The following NLGN4Y variants were observed in gnomAD, a reference collection of about 807,000 sequenced individuals.
NLGN4Y encodes the protein neuroligin-4, Y-linked.
Under a neutral mutation model 8.4 loss-of-function variants are expected in NLGN4Y, and 4 were observed. That is an observed-to-expected ratio of 0.48 (90% confidence interval 0.23 to 1.09). The LOEUF (loss-of-function observed/expected upper bound fraction) is 1.09. NLGN4Y is among the 50% of genes least tolerant of loss of function. The probability of loss-of-function intolerance (pLI) is 0.19; values close to 1 mark genes in which losing one functional copy is unlikely to be tolerated. For missense variants in NLGN4Y, 90 were observed against 192.3 expected, an observed-to-expected ratio of 0.47 and a Z score of 3.15; for synonymous variants, 35 against 75.6, an observed-to-expected ratio of 0.46 and a Z score of 2.78.
Position 14,834,003 on chromosome Y carries a change from T to TA in NLGN4Y, c.1661+3499dup, listed in dbSNP as rs1197649820. Reference sequence around the variant, plus strand: ...ATACTGAGGCTGGCTATGTCACTATTAAAAAAAAAAAAAAAGAAAAAAAAA... The same window carrying TA: ...ATACTGAGGCTGGCTATGTCACTATTAAAAAAAAAAAAAAAAGAAAAAAAAA... On this transcript the variant is annotated intron_variant, in intron 6 of 6. Coordinates refer to ENST00000684976, the MANE Select transcript of NLGN4Y (RefSeq NM_001365588.1). Among the ~76,000 whole-genome samples the TA allele has an allele frequency of 6.4e-3, 118 of 18,397 alleles. No individual in the cohort carries two copies. The East Asian group carries it at 0.078, about 12-fold the overall frequency. 49.4% of individuals were successfully genotyped at this position (18,397 alleles called of 37,273 possible).
chrY:14,586,701 G>T (rs2080343056), intron 1 of NLGN4Y, among the ~76,000 whole-genome samples: 1 of 32,197 alleles, frequency 3.1e-5, no homozygotes, highest in Admixed American at 2.9e-4. Context: ...GGTGTTGCAT[G>T]CCTGTAATCA....
intron 3 of NLGN4Y, among the ~76,000 whole-genome samples, chrY:14,721,254 T>A: frequency 6.0e-5 from 2 of 33,328 alleles, no homozygotes; most frequent in Non-Finnish European, 1.5e-4. Flanking sequence ...CTTACTCTTT[T>A]TACCACAATT....
chrY:14,780,336 A>T, intron 4 of NLGN4Y, among the ~76,000 whole-genome samples: 4 of 33,399 alleles, frequency 1.2e-4, no homozygotes, highest in Admixed American at 1.1e-3. Flanking sequence ...GAAAAGAAAT[A>T]TTGCTGAATG....
At position 14,524,536 on chromosome Y, in the gene NLGN4Y, G is replaced by A. The variant is rs1464745526; in HGVS notation, c.-284G>A. 2.5e-5 allele frequency: 3 copies of A among 119,629 alleles called. No individual in the cohort carries two copies. The East Asian group carries it at 7.9e-4, about 32-fold the overall frequency. The allele number at this position is 119,629 out of a possible 400,897, so 29.8% of individuals were successfully genotyped here. On this transcript the variant is annotated 5_prime_UTR_variant, in exon 1 of 7. Coordinates refer to ENST00000684976, the MANE Select transcript of NLGN4Y (RefSeq NM_001365588.1). ...CGAAGATCAGCCAAGAGCACAGTCG[G>A]AGGCGGCAGAGACGGTGGCGGGTGA...
chrY:14,678,544 G>A (rs2080757837), intron 2 of NLGN4Y, among the ~76,000 whole-genome samples: 2 of 33,267 alleles, frequency 6.0e-5, no homozygotes, highest in Non-Finnish European at 1.5e-4. Context: ...AAATCAAGAC[G>A]GAAAGAAGTT....
chrY:14,733,293 G>A, intron 4 of NLGN4Y, among the ~76,000 whole-genome samples: 2 of 33,515 alleles, frequency 6.0e-5, no homozygotes. Context: ...TGTCCAAAGA[G>A]AGTGTCCATT....
chrY:14,622,168 G>C lies in NLGN4Y; in HGVS notation c.49G>C (p.Val17Leu). Residue 17 changes from valine to leucine, a missense_variant, in exon 2 of 7, where the codon GTC becomes CTC. Physicochemically the swap from Val to Leu is conservative, Grantham distance 32. Coordinates refer to ENST00000684976, the MANE Select transcript of NLGN4Y (RefSeq NM_001365588.1). ...LLWLPLLFTS[V>L]CVMLNSNVLL... ...ATGGCTCCCTTTGTTGTTCACCTCT[G>C]TCTGTGTCATGTTAAACTCCAATGT... 1 of 398,950 alleles carries C rather than the reference G, an allele frequency of 2.5e-6. No homozygotes were observed. Among genetic ancestry groups the C allele is most frequent in the Non-Finnish European group, 3.5e-6 (1 of 283,510 alleles).
intron 4 of NLGN4Y, among the ~76,000 whole-genome samples, chrY:14,817,843 C>A (rs2043107714): frequency 3.1e-5 from 1 of 32,384 alleles, no homozygotes; most frequent in Non-Finnish European, 7.5e-5. Flanking sequence ...GTGAACAATT[C>A]TTTTTCCTCT....
intron 4 of NLGN4Y, among the ~76,000 whole-genome samples, chrY:14,792,586 C>T (rs2042989081): frequency 7.1e-5 from 2 of 28,229 alleles, no homozygotes; most frequent in Admixed American, 3.4e-4. Flanking sequence ...CCAAAGAGTT[C>T]GAGCCCATCC....
intron 4 of NLGN4Y, among the ~76,000 whole-genome samples, chrY:14,767,212 A>G (rs2150572135): frequency 3.0e-5 from 1 of 33,639 alleles, no homozygotes; most frequent in East Asian, 7.7e-4. Context: ...ATACAGTGCC[A>G]ATTAACTAAG....
intron 1 of NLGN4Y, among the ~76,000 whole-genome samples, chrY:14,613,322 CCA>C (rs2080475815): frequency 3.0e-5 from 1 of 32,796 alleles, no homozygotes; most frequent in Non-Finnish European, 7.5e-5. Context: ...CACTGCGGTT[CCA>C]GGCAGAACTG....
chrY:14,636,600 C>T, intron 2 of NLGN4Y, among the ~76,000 whole-genome samples: 1 of 33,319 alleles, frequency 3.0e-5, no homozygotes, highest in Non-Finnish European at 7.4e-5. Flanking sequence ...TTCACCACTG[C>T]ACATTCTACA....
chrY:14,759,472 T>G (rs2081073990), intron 4 of NLGN4Y, among the ~76,000 whole-genome samples: 1 of 32,870 alleles, frequency 3.0e-5, no homozygotes, highest in African/African-American at 1.2e-4. Context: ...GGCTAATTTT[T>G]TGTATTTTTA....
intron 2 of NLGN4Y, among the ~76,000 whole-genome samples, chrY:14,655,840 A>G: frequency 6.0e-5 from 2 of 33,539 alleles, no homozygotes; most frequent in Non-Finnish European, 1.5e-4. Context: ...ATGAGTATCC[A>G]ATGGCCAGTC....
chrY:14,633,159 C>T, intron 2 of NLGN4Y, among the ~76,000 whole-genome samples: 1 of 33,286 alleles, frequency 3.0e-5, no homozygotes, highest in Non-Finnish European at 7.4e-5. Flanking sequence ...GAGATAGAAA[C>T]TTTAGGTACA....
chrY:14,717,585 A>T, intron 2 of NLGN4Y, among the ~76,000 whole-genome samples: 5 of 32,683 alleles, frequency 1.5e-4, no homozygotes, highest in African/African-American at 6.0e-4. Context: ...AAACAAAAAA[A>T]CCCTACAGTG....
At chrY:14,684,110 C>G (rs754388704) in intron 2 of NLGN4Y, among the ~76,000 whole-genome samples, 2 of 33,891 alleles carry the variant, frequency 5.9e-5, no homozygotes, top group Admixed American at 5.4e-4. Context: ...TAGAGCTATA[C>G]AGAGATTTAG....
intron 2 of NLGN4Y, among the ~76,000 whole-genome samples, chrY:14,627,810 G>A: frequency 2.9e-5 from 1 of 34,596 alleles, no homozygotes; most frequent in Non-Finnish European, 7.3e-5. Context: ...AGGCCTAGGA[G>A]GTGCGAGGGA....
At chrY:14,782,678 C>A (rs981882165) in intron 4 of NLGN4Y, among the ~76,000 whole-genome samples, 1 of 33,958 alleles carries the variant, frequency 2.9e-5, no homozygotes, top group African/African-American at 1.2e-4. Flanking sequence ...TATGGGAGAT[C>A]CTCATAAAAG....
Sources: gnomAD v4.1 joint callset for allele counts (sites outside exome capture counted in the v4.1 genomes callset) on GRCh38, gnomAD v4.1.1 for gene constraint, MANE v1.5 for transcripts, NCBI Gene and HGNC (gene_info 2026-07-23, HGNC 2026-07-21) for gene names.